FRYL: variants seen among roughly 807,000 people sequenced by gnomAD.
FRYL encodes the protein protein furry homolog-like.
In FRYL, 150 loss-of-function variants were observed where a neutral mutation model predicts 351.2. That is an observed-to-expected ratio of 0.43 (90% CI 0.37 to 0.49). FRYL has a LOEUF of 0.49. FRYL is among the 20% of genes least tolerant of loss of function. The pLI is 0.00. For missense variants in FRYL, 3,036 were observed against 3,619.3 expected, an observed-to-expected ratio of 0.84 and a Z score of 4.13; for synonymous variants, 1,153 against 1,257.1, an observed-to-expected ratio of 0.92 and a Z score of 1.75.
chr4:48,688,336 A>G (rs1334700418), intron 2 of FRYL, among the ~76,000 whole-genome samples: 3 of 152,222 alleles, frequency 2.0e-5, no homozygotes, highest in Non-Finnish European at 2.9e-5. Context: ...TTCCTGTAAT[A>G]CCAAAATAAT....
At chr4:48,511,676 T>C (rs1453011763) in intron 57 of FRYL, among the ~76,000 whole-genome samples, 1 of 152,010 alleles carries the variant, frequency 6.6e-6, no homozygotes, top group East Asian at 1.9e-4. Context: ...AAAAACCAAG[T>C]AGTGATGCAA....
rs1331639674 is a variant in FRYL, at chr4:48,531,164, T to C, written c.6895A>G (p.Ile2299Val). The change falls in exon 50 of 64, where the codon ATA becomes GTA. Residue 2299 changes from isoleucine (I) to valine (V), a missense_variant. By Grantham distance (29) the Ile-to-Val change is conservative. Around this residue, in one of 7 missense-constraint regions of FRYL, gnomAD observed 1,987 missense variants for 2,311.7 expected, o/e 0.86. Transcript: ENST00000358350. ...PGKTLDFHFD[I>V]SETPIIGNKY... ...ATTTCTGAGCATCTTACCTCAGATA[T>C]ATCAAAATGAAAATCTAAGGTCTTC... 4 of 1,586,334 alleles carry C rather than the reference T, an allele frequency of 2.5e-6. No homozygotes were observed. The highest frequency in any genetic ancestry group is 1.1e-5 in the South Asian group (1 of 90,054).
intron 2 of FRYL, among the ~76,000 whole-genome samples, chr4:48,703,832 G>A (rs549077601): frequency 2.6e-5 from 4 of 152,228 alleles, no homozygotes; most frequent in Admixed American, 1.3e-4. Flanking sequence ...TGCCTAGCCT[G>A]TACTTGAAAC....
chr4:48,632,407 T>A (rs1222333943), intron 4 of FRYL, among the ~76,000 whole-genome samples: 1 of 150,376 alleles, frequency 6.6e-6, no homozygotes, highest in Non-Finnish European at 1.5e-5. Context: ...AGTGTAGTAA[T>A]TTATCATGTA....
intron 3 of FRYL, among the ~76,000 whole-genome samples, chr4:48,654,962 A>G (rs1444336282): frequency 2.0e-5 from 3 of 152,218 alleles, no homozygotes; most frequent in Non-Finnish European, 4.4e-5. Flanking sequence ...GTAGCAATAC[A>G]TTTGTACCAA....
chr4:48,773,501 C>T (rs2109426085), intron 1 of FRYL, among the ~76,000 whole-genome samples: 1 of 152,028 alleles, frequency 6.6e-6, no homozygotes, highest in Admixed American at 6.5e-5. Flanking sequence ...AAATTGTTTA[C>T]TTGAAAAGAG....
At chr4:48,706,900 A>G (rs1481530997) in intron 2 of FRYL, among the ~76,000 whole-genome samples, 2 of 152,148 alleles carry the variant, frequency 1.3e-5, no homozygotes, top group Non-Finnish European at 2.9e-5. Flanking sequence ...CACCCCCAGA[A>G]GGCTGTTCCT....
intron 3 of FRYL, among the ~76,000 whole-genome samples, chr4:48,674,967 G>C (rs1056909259): frequency 1.3e-5 from 2 of 152,208 alleles, no homozygotes; most frequent in Admixed American, 6.5e-5. Context: ...TTGCAAGGCA[G>C]ATATGCTGAT....
In FRYL at chr4:48,535,718, C is replaced by A; in HGVS notation, c.6503G>T (p.Cys2168Phe). The change falls in exon 48 of 64, where the codon TGC (cysteine) becomes TTC (phenylalanine). Residue 2168 changes from cysteine to phenylalanine, a missense_variant. By Grantham distance (205) the Cys-to-Phe change is radical (BLOSUM62 -2). Coordinates refer to ENST00000358350, the MANE Select transcript of FRYL (RefSeq NM_015030.2). ...RDCSNWINVV[C>F]RYLHDSFSDT... is the part of the protein sequence containing the mutation. ...TGAGAAGGAGTCATGCAGGTATCTG[C>A]ACACGACATTGATCCAGTTAGAACA... The A allele has an allele frequency of 6.2e-7, 1 of 1,609,946 alleles. No homozygotes were observed. Among genetic ancestry groups the A allele is most frequent in the Non-Finnish European group, 8.5e-7 (1 of 1,177,632 alleles).
intron 28 of FRYL, among the ~76,000 whole-genome samples, chr4:48,566,321 T>C (rs1214121585): frequency 3.9e-5 from 6 of 152,330 alleles, no homozygotes; most frequent in African/African-American, 1.2e-4. Context: ...CCAAGGATTT[T>C]TTTCCCCCAT....
intron 2 of FRYL, among the ~76,000 whole-genome samples, chr4:48,705,968 C>T (rs1767297644): frequency 6.6e-6 from 1 of 152,142 alleles, no homozygotes; most frequent in Admixed American, 6.5e-5. Context: ...TCCTGAGTAG[C>T]TGGAACTACA....
intron 2 of FRYL, among the ~76,000 whole-genome samples, chr4:48,703,656 C>G (rs572949911): frequency 6.6e-6 from 1 of 152,294 alleles, no homozygotes; most frequent in African/African-American, 2.4e-5. Context: ...GTCATTTTCT[C>G]AAAGAGGCAA....
In FRYL at chr4:48,606,197, A is replaced by T. The variant is rs565299559; in HGVS notation, c.741+241T>A. Among the ~76,000 whole-genome samples the T allele has an allele frequency of 5.7e-4, 86 of 151,610 alleles. 1 individual carries two copies. The South Asian group carries it at 0.018, about 31-fold the overall frequency. On this transcript the variant is annotated intron_variant, in intron 10 of 63. Coordinates refer to ENST00000358350, the MANE Select transcript of FRYL (RefSeq NM_015030.2). The stretch of plus-strand genomic sequence containing the variant: ...CTGAGGCAGGAGAATCGCTTCAATC[A>T]GGAAGGTGGAGGTTGCAGTGAGCCG...
At chr4:48,535,616 T>TACACAC (rs1560555637) in intron 48 of FRYL, 41 bp downstream of exon 48, 1 of 717,610 alleles carries the variant, frequency 1.4e-6, no homozygotes. Context: ...CACACACACA[T>TACACAC]ATATATATAG....
intron 1 of FRYL, among the ~76,000 whole-genome samples, chr4:48,740,657 T>C (rs897957600): frequency 2.0e-5 from 3 of 151,952 alleles, no homozygotes; most frequent in Admixed American, 6.6e-5. Context: ...CAAACACACA[T>C]GCAAAGAGAT....
chr4:48,716,015 G>C (rs1176090518), intron 1 of FRYL, among the ~76,000 whole-genome samples: 1 of 152,138 alleles, frequency 6.6e-6, no homozygotes, highest in Non-Finnish European at 1.5e-5. Context: ...AGAAAAACAA[G>C]CAATGGGGAA....
At chr4:48,518,989 GTAGATACTGGTCACATAAA>G (rs1724299322) in intron 55 of FRYL, among the ~76,000 whole-genome samples, 1 of 152,222 alleles carries the variant, frequency 6.6e-6, no homozygotes, top group South Asian at 2.1e-4. Context: ...TAGCGCCTCA[GTAGATACTGGTCACATAAA>G]TGAATGCTCA....
intron 7 of FRYL, among the ~76,000 whole-genome samples, chr4:48,613,530 A>C (rs1191124099): frequency 6.6e-6 from 1 of 152,190 alleles, no homozygotes; most frequent in Non-Finnish European, 1.5e-5. Flanking sequence ...AACATTTTCT[A>C]TGTTTATAAC....
chr4:48,634,045 C>T (rs981958694), intron 4 of FRYL, among the ~76,000 whole-genome samples: 3 of 152,120 alleles, frequency 2.0e-5, no homozygotes, highest in African/African-American at 7.2e-5. Context: ...CACATTATAT[C>T]CTAATTTTCC....
Sources: allele counts gnomAD v4.1 joint callset (sites outside exome capture counted in the v4.1 genomes callset), GRCh38; gene constraint gnomAD v4.1.1; regional missense constraint gnomAD v4.1.1; transcripts MANE v1.5; gene names NCBI Gene and HGNC (gene_info 2026-07-23, HGNC 2026-07-21).